EXT1: variants seen among roughly 807,000 people sequenced by gnomAD.
EXT1 encodes exostosin-1.
A neutral mutation model predicts 82.5 loss-of-function variants in EXT1; 20 were observed. That is an observed-to-expected ratio of 0.24 (90% CI 0.17 to 0.35). The LOEUF (loss-of-function observed/expected upper bound fraction) is 0.35, where lower values mean the gene tolerates loss of function less well. Ranked by LOEUF, EXT1 falls within the 10% of genes least tolerant of loss-of-function variation. The probability of loss-of-function intolerance (pLI) is 1.00; values close to 1 mark genes in which losing one functional copy is unlikely to be tolerated. For missense variants in EXT1, 757 were observed against 936.5 expected (o/e 0.81, Z 2.50); for synonymous variants, 348 against 350.8 (o/e 0.99, Z 0.09).
chr8:118,073,632 A>G (rs970267991), intron 1 of EXT1, among the ~76,000 whole-genome samples: 49 of 89,418 alleles, frequency 5.5e-4, no homozygotes, highest in Middle Eastern at 5.4e-3. Context: ...AGAGAAGAGA[A>G]AGAAGAGAAG....
At chr8:117,831,122 T>G (rs910872335) in intron 3 of EXT1, among the ~76,000 whole-genome samples, 2 of 152,202 alleles carry the variant, frequency 1.3e-5, no homozygotes, top group African/African-American at 4.8e-5. Flanking sequence ...GGGACGTCAT[T>G]ATTTTTAATG....
At chr8:118,083,736 A>G (rs1817371878) in intron 1 of EXT1, among the ~76,000 whole-genome samples, 1 of 152,128 alleles carries the variant, frequency 6.6e-6, no homozygotes, top group Non-Finnish European at 1.5e-5. Flanking sequence ...TCTCAATAAG[A>G]AAAGAGGGAG....
chr8:118,103,581 TCA>T (rs1172787470), intron 1 of EXT1, among the ~76,000 whole-genome samples: 4 of 152,110 alleles, frequency 2.6e-5, no homozygotes, highest in Non-Finnish European at 5.9e-5. Context: ...TTCTATTGGA[TCA>T]CAGTGTCTAC....
At chr8:117,841,477 G>A (rs1425634346) in intron 1 of EXT1, among the ~76,000 whole-genome samples, 3 of 152,170 alleles carry the variant, frequency 2.0e-5, no homozygotes, top group South Asian at 2.1e-4. Flanking sequence ...ATTCTCCCTC[G>A]TTTCTTATGT....
chr8:117,866,866 G>A (rs1812782315), intron 1 of EXT1, among the ~76,000 whole-genome samples: 1 of 150,032 alleles, frequency 6.7e-6, no homozygotes, highest in African/African-American at 2.5e-5. Context: ...TGCTACTCTT[G>A]GCCATAAGAC....
At chr8:118,052,579 A>C (rs1319393183) in intron 1 of EXT1, among the ~76,000 whole-genome samples, 1 of 152,228 alleles carries the variant, frequency 6.6e-6, no homozygotes, top group Non-Finnish European at 1.5e-5. Context: ...GCAAGGCCAT[A>C]GAAGAAGCTC....
intron 1 of EXT1, among the ~76,000 whole-genome samples, chr8:118,006,970 G>A (rs1295227775): frequency 6.6e-6 from 1 of 152,214 alleles, no homozygotes; most frequent in Non-Finnish European, 1.5e-5. Flanking sequence ...TCCTTCAGTT[G>A]TTAGAGTTGG....
chr8:117,900,209 G>T (rs1813415750), intron 1 of EXT1, among the ~76,000 whole-genome samples: 2 of 152,178 alleles, frequency 1.3e-5, no homozygotes, highest in South Asian at 4.1e-4. Context: ...AATGACGCCT[G>T]AGCTGACTGA....
intron 1 of EXT1, among the ~76,000 whole-genome samples, chr8:117,848,095 T>G (rs991853570): frequency 8.5e-5 from 13 of 152,164 alleles, no homozygotes; most frequent in African/African-American, 3.1e-4. Flanking sequence ...CACAAAAAAT[T>G]CTAGAACACC....
intron 4 of EXT1, among the ~76,000 whole-genome samples, chr8:117,823,360 G>T (rs150065514): frequency 6.6e-6 from 1 of 152,002 alleles, no homozygotes; most frequent in Non-Finnish European, 1.5e-5. Flanking sequence ...CGAATCATTT[G>T]TCAGTTGAAT....
At chr8:117,986,584 T>A (rs1164336004) in intron 1 of EXT1, among the ~76,000 whole-genome samples, 1 of 152,118 alleles carries the variant, frequency 6.6e-6, no homozygotes, top group East Asian at 1.9e-4. Context: ...TGTGGCCACA[T>A]CTCCCAGTAG....
At chr8:117,878,631 T>C (rs1372092436) in intron 1 of EXT1, among the ~76,000 whole-genome samples, 1 of 152,188 alleles carries the variant, frequency 6.6e-6, no homozygotes, top group Non-Finnish European at 1.5e-5. Context: ...TGAGGAGCAT[T>C]AAAGAAGGAG....
chr8:117,852,162 G>T (rs1365596818), intron 1 of EXT1, among the ~76,000 whole-genome samples: 2 of 152,158 alleles, frequency 1.3e-5, no homozygotes, highest in East Asian at 1.9e-4. Flanking sequence ...AAGCAGGTGG[G>T]TATAATTTGA....
At chr8:118,056,711 A>G (rs919547373) in intron 1 of EXT1, among the ~76,000 whole-genome samples, 2 of 152,206 alleles carry the variant, frequency 1.3e-5, no homozygotes, top group African/African-American at 4.8e-5. Context: ...AGCTTCCCAC[A>G]AAAAGATGGC....
chr8:117,819,853 T>C (rs1409524636), intron 5 of EXT1, 59 bp from the exon 6 acceptor site: 1 of 1,489,214 alleles, frequency 6.7e-7, no homozygotes, highest in Non-Finnish European at 9.4e-7. Flanking sequence ...CTTAGAAAAT[T>C]ACTCCTCCTT....
chr8:117,860,146 C>CAAAAAAAAAA (rs34399339), intron 1 of EXT1, among the ~76,000 whole-genome samples: 4 of 76,894 alleles, frequency 5.2e-5, no homozygotes, highest in African/African-American at 1.1e-4. Flanking sequence ...GATTCTATCT[C>CAAAAAAAAAA]AAAAAAAAAA....
At chr8:118,004,249 T>A (rs1815730236) in intron 1 of EXT1, among the ~76,000 whole-genome samples, 1 of 152,248 alleles carries the variant, frequency 6.6e-6, no homozygotes, top group South Asian at 2.1e-4. Flanking sequence ...CGTGGCCATG[T>A]GTGCATCCAT....
intron 1 of EXT1, among the ~76,000 whole-genome samples, chr8:118,015,295 C>T (rs552454518): frequency 6.6e-6 from 1 of 152,272 alleles, no homozygotes; most frequent in Admixed American, 6.5e-5. Flanking sequence ...CACAGAAACT[C>T]GAGAGAGGGG....
chr8:117,941,206 T>G (rs17479817), intron 1 of EXT1, among the ~76,000 whole-genome samples: 1 of 152,308 alleles, frequency 6.6e-6, no homozygotes, highest in East Asian at 1.9e-4. Flanking sequence ...GTAGGGAGAT[T>G]GTCATGTGCA....
Sources: gnomAD v4.1 joint callset for allele counts (sites outside exome capture counted in the v4.1 genomes callset) on GRCh38, gnomAD v4.1.1 for gene constraint, MANE v1.5 for transcripts, NCBI Gene and HGNC (gene_info 2026-07-23, HGNC 2026-07-21) for gene names.